Variants in DLG2 observed in about 807,000 individuals in gnomAD.
DLG2 encodes the protein disks large homolog 2.
A neutral mutation model predicts 132.5 loss-of-function variants in DLG2; 45 were observed. The observed-to-expected ratio is 0.34, with a 90% CI of 0.27 to 0.44. The LOEUF (loss-of-function observed/expected upper bound fraction) is 0.44. DLG2 is among the 20% of genes least tolerant of loss of function. The pLI, the probability that DLG2 is intolerant of heterozygous loss-of-function variation, is 1.00. For missense variants in DLG2, 1,045 were observed against 1,196.9 expected (o/e 0.87, Z 1.87); for synonymous variants, 424 against 419.6 (o/e 1.01, Z -0.13).
chr11:85,139,486 ATTAAT>A (rs924482006), intron 5 of DLG2, among the ~76,000 whole-genome samples: 2 of 152,132 alleles, frequency 1.3e-5, no homozygotes, highest in African/African-American at 2.4e-5. Context: ...TGGATTCAAA[ATTAAT>A]TTATTTTGAA....
intron 3 of DLG2, among the ~76,000 whole-genome samples, chr11:85,376,579 C>A (rs184344606): frequency 2.8e-4 from 42 of 152,274 alleles, no homozygotes; most frequent in African/African-American, 9.1e-4. Context: ...AAAGACTACT[C>A]ATTTCTGCTA....
chr11:85,470,991 G>A (rs553969209), intron 3 of DLG2, among the ~76,000 whole-genome samples: 11 of 152,186 alleles, frequency 7.2e-5, no homozygotes, highest in Non-Finnish European at 1.5e-4. Flanking sequence ...CAAAGTGTAA[G>A]TACCCAGGAC....
intron 18 of DLG2, among the ~76,000 whole-genome samples, chr11:83,637,469 A>G (rs11233705): frequency 0.3 from 45,776 of 152,034 alleles, 7,154 homozygotes; most frequent in African/African-American, 0.34. Flanking sequence ...TCTGAGGTAG[A>G]TATATTATTT....
intron 7 of DLG2, among the ~76,000 whole-genome samples, chr11:84,258,687 T>G (rs1297381415): frequency 6.6e-6 from 1 of 152,232 alleles, no homozygotes; most frequent in African/African-American, 2.4e-5. Context: ...AAGCAGTTTT[T>G]AAACCCATGT....
chr11:85,364,174 A>G (rs1411250213), intron 3 of DLG2, among the ~76,000 whole-genome samples: 2 of 152,162 alleles, frequency 1.3e-5, no homozygotes, highest in Admixed American at 1.3e-4. Flanking sequence ...GCCTAAAAAT[A>G]TAGGTATTTG....
chr11:85,130,836 T>C (rs1027347626), intron 5 of DLG2, among the ~76,000 whole-genome samples: 2 of 152,304 alleles, frequency 1.3e-5, no homozygotes, highest in Middle Eastern at 3.4e-3. Context: ...GTAGACTAAA[T>C]AGATAAGATT....
chr11:84,264,857 G>T (rs1160282632), intron 7 of DLG2, among the ~76,000 whole-genome samples: 1 of 152,130 alleles, frequency 6.6e-6, no homozygotes, highest in East Asian at 1.9e-4. Context: ...CCTGCACTTG[G>T]ATTTAGCAGA....
chr11:84,480,958 G>A (rs928027528), intron 7 of DLG2, among the ~76,000 whole-genome samples: 2 of 151,760 alleles, frequency 1.3e-5, no homozygotes, highest in Non-Finnish European at 2.9e-5. Flanking sequence ...AGGCTGATCT[G>A]GAACTCCTTA....
At chr11:84,825,223 T>A (rs997240379) in intron 6 of DLG2, among the ~76,000 whole-genome samples, 8 of 151,848 alleles carry the variant, frequency 5.3e-5, no homozygotes, top group African/African-American at 1.9e-4. Flanking sequence ...AATGTCAGCT[T>A]AATGCTCACA....
chr11:85,472,067 A>G (rs1378128977), intron 3 of DLG2, among the ~76,000 whole-genome samples: 1 of 152,118 alleles, frequency 6.6e-6, no homozygotes, highest in African/African-American at 2.4e-5. Context: ...CCAAAGACAA[A>G]TTAAAGCCTG....
At chr11:84,957,879 A>T (rs7949547) in intron 6 of DLG2, among the ~76,000 whole-genome samples, 9 of 151,974 alleles carry the variant, frequency 5.9e-5, no homozygotes, top group Non-Finnish European at 1.2e-4. Context: ...TACCATATTC[A>T]TTGGTTTGGT....
intron 12 of DLG2, among the ~76,000 whole-genome samples, chr11:83,978,229 A>T (rs1314108518): frequency 2.6e-5 from 4 of 152,024 alleles, no homozygotes; most frequent in Non-Finnish European, 5.9e-5. Flanking sequence ...ACTTCAAGAA[A>T]TAAGCACATA....
chr11:83,526,177 A>G (rs1303658552), intron 21 of DLG2, among the ~76,000 whole-genome samples: 1 of 152,180 alleles, frequency 6.6e-6, no homozygotes, highest in African/African-American at 2.4e-5. Context: ...GCTTTGGAAA[A>G]GGAAATAGAA....
At chr11:84,532,458 T>G (rs1463794281) in intron 7 of DLG2, among the ~76,000 whole-genome samples, 2 of 151,858 alleles carry the variant, frequency 1.3e-5, no homozygotes, top group African/African-American at 4.8e-5. Context: ...GGAGGAAAGG[T>G]TGGGAAGGGA....
In DLG2 at chr11:84,928,982, G is replaced by GTATATATATATA. The variant is rs58945482; in HGVS notation, c.357+182667_357+182678dup. On this transcript the variant is annotated intron_variant, in intron 6 of 27. Transcript: ENST00000376104. ...TATGTGTGTGTGTGTGTGTGTGTGT[G>GTATATATATATA]TATATATATATATATATATATATAT... Among the ~76,000 whole-genome samples, 125 of 49,076 alleles carry GTATATATATATA rather than the reference G, an allele frequency of 2.5e-3. 2 individuals carry two copies. Among genetic ancestry groups the GTATATATATATA allele is most frequent in the Non-Finnish European group, 2.9e-3 (83 of 28,140 alleles). 32.2% of individuals were successfully genotyped at this position (49,076 alleles called of 152,430 possible).
rs183407821 is a variant in DLG2, at chr11:84,041,109, A to C, written c.919+18206T>G. Among the ~76,000 whole-genome samples the C allele has an allele frequency of 2.0e-5, 3 of 152,100 alleles. No homozygotes were observed. The East Asian group carries it at 5.8e-4, about 30-fold the overall frequency. On this transcript the variant is annotated intron_variant, in intron 11 of 27. Transcript: ENST00000376104. Reference sequence around the variant, plus strand: ...TTTGCTGAAGTTGCTTATCAGCTTAAGGAGATTTTGGGCTGTCAGCTCCTC... The same window carrying C: ...TTTGCTGAAGTTGCTTATCAGCTTACGGAGATTTTGGGCTGTCAGCTCCTC...
chr11:85,287,491 C>A (rs2078634782), intron 3 of DLG2, among the ~76,000 whole-genome samples: 1 of 151,916 alleles, frequency 6.6e-6, no homozygotes. Flanking sequence ...AAAATATTGT[C>A]AAAAATAATT....
chr11:83,543,272 A>G (rs2096135749), intron 19 of DLG2, among the ~76,000 whole-genome samples: 1 of 152,164 alleles, frequency 6.6e-6, no homozygotes, highest in African/African-American at 2.4e-5. Flanking sequence ...GAGCTGGGGA[A>G]AGGCCAATGC....
chr11:85,339,331 TA>T (rs2152855463), intron 3 of DLG2, among the ~76,000 whole-genome samples: 1 of 152,336 alleles, frequency 6.6e-6, no homozygotes, highest in East Asian at 1.9e-4. Context: ...TTTCTGCATA[TA>T]TATTTTTGTT....
Sources: allele counts gnomAD v4.1 joint callset (sites outside exome capture counted in the v4.1 genomes callset), GRCh38; gene constraint gnomAD v4.1.1; transcripts MANE v1.5; gene names NCBI Gene and HGNC (gene_info 2026-07-23, HGNC 2026-07-21).